RGS7: variants seen among roughly 807,000 people sequenced by gnomAD.
RGS7 encodes the protein regulator of G-protein signaling 7.
In RGS7, 27 loss-of-function variants were observed where a neutral mutation model predicts 81.1. The observed-to-expected ratio is 0.33, with a 90% CI of 0.25 to 0.46. The LOEUF (loss-of-function observed/expected upper bound fraction) is 0.46, where lower values mean the gene tolerates loss of function less well. Among genes scored for constraint, RGS7 ranks in the 20% least tolerant of loss-of-function variants. RGS7 has a pLI of 1.00. For missense variants in RGS7, 396 were observed against 607.4 expected (o/e 0.65, Z 3.66); for synonymous variants, 208 against 207.7 (o/e 1.00, Z -0.01).
At chr1:241,200,845 A>T (rs1242213535) in intron 2 of RGS7, among the ~76,000 whole-genome samples, 1 of 152,142 alleles carries the variant, frequency 6.6e-6, no homozygotes, top group Non-Finnish European at 1.5e-5. Flanking sequence ...TTCTCACTGC[A>T]CTTTCTCATT....
chr1:241,127,290 A>C (rs565284131), intron 2 of RGS7, among the ~76,000 whole-genome samples: 1 of 152,242 alleles, frequency 6.6e-6, no homozygotes, highest in Admixed American at 6.5e-5. Context: ...CAATATAAAA[A>C]GTAACCATAT....
At chr1:241,072,644 G>T (rs2062544337) in intron 3 of RGS7, among the ~76,000 whole-genome samples, 2 of 152,150 alleles carry the variant, frequency 1.3e-5, no homozygotes, top group African/African-American at 4.8e-5. Context: ...TGGGGACAGG[G>T]ATGAGACCCT....
intron 2 of RGS7, among the ~76,000 whole-genome samples, chr1:241,128,793 A>AAG (rs938790488): frequency 2.0e-5 from 3 of 150,818 alleles, no homozygotes; most frequent in Non-Finnish European, 4.4e-5. Flanking sequence ...AAAAAAAAAA[A>AAG]AAAAAACTCT....
intron 15 of RGS7, among the ~76,000 whole-genome samples, chr1:240,804,437 C>T (rs190006613): frequency 9.5e-4 from 144 of 150,802 alleles, no homozygotes; most frequent in African/African-American, 3.2e-3. Flanking sequence ...ATTTACCTTA[C>T]GATCAGATTT....
chr1:241,316,732 T>C (rs1020084882), intron 2 of RGS7, among the ~76,000 whole-genome samples: 5 of 152,192 alleles, frequency 3.3e-5, no homozygotes, highest in South Asian at 2.1e-4. Context: ...TTTTTTGTTA[T>C]ATCTTTATCT....
chr1:240,816,501 C>T, intron 10 of RGS7, 86 bp from the exon 11 acceptor site: 1 of 908,496 alleles, frequency 1.1e-6, no homozygotes, highest in Non-Finnish European at 1.8e-6. Flanking sequence ...AGCATAAATT[C>T]AGTAAGGTCT....
chr1:241,204,443 G>A (rs1262816079), intron 2 of RGS7, among the ~76,000 whole-genome samples: 2 of 152,028 alleles, frequency 1.3e-5, no homozygotes, highest in Non-Finnish European at 2.9e-5. Flanking sequence ...ATTTTAGGTG[G>A]GTATTGGACA....
At chr1:241,209,871 A>G (rs1478351095) in intron 2 of RGS7, among the ~76,000 whole-genome samples, 1 of 151,970 alleles carries the variant, frequency 6.6e-6, no homozygotes, top group African/African-American at 2.4e-5. Context: ...GAAAATTAAA[A>G]TAAAATATAT....
intron 6 of RGS7, among the ~76,000 whole-genome samples, chr1:240,892,122 A>C (rs967471516): frequency 6.6e-6 from 1 of 152,234 alleles, no homozygotes; most frequent in East Asian, 1.9e-4. Context: ...TAATTAAATC[A>C]GAGTATGTAT....
At chr1:240,924,814 CA>C (rs1282292445) in intron 6 of RGS7, among the ~76,000 whole-genome samples, 1 of 151,582 alleles carries the variant, frequency 6.6e-6, no homozygotes, top group Non-Finnish European at 1.5e-5. Flanking sequence ...AAGGGAGTGT[CA>C]AAAAACTCGG....
At chr1:241,208,496 G>A (rs2074058516) in intron 2 of RGS7, among the ~76,000 whole-genome samples, 1 of 152,092 alleles carries the variant, frequency 6.6e-6, no homozygotes, top group South Asian at 2.1e-4. Context: ...CCTCAGATGT[G>A]TTGTCTAGGT....
intron 6 of RGS7, among the ~76,000 whole-genome samples, chr1:240,929,157 A>T (rs754424962): frequency 9.2e-5 from 14 of 152,170 alleles, no homozygotes; most frequent in Non-Finnish European, 1.8e-4. Flanking sequence ...TGGTTATGAC[A>T]GTATTTATGT....
At chr1:240,778,936 C>A (rs1683455235) in intron 18 of RGS7, among the ~76,000 whole-genome samples, 1 of 150,990 alleles carries the variant, frequency 6.6e-6, no homozygotes, top group African/African-American at 2.5e-5. Flanking sequence ...ACAGACCCTG[C>A]TTTATAAATA....
At position 240,868,934 on chromosome 1, in the gene RGS7, A is replaced by C; in HGVS notation, c.451-82T>G. 1 of 1,260,612 alleles carries C rather than the reference A, an allele frequency of 7.9e-7. No individual in the cohort carries two copies. The highest frequency in any genetic ancestry group is 1.2e-6 in the Non-Finnish European group (1 of 858,198). 78.1% of individuals were successfully genotyped at this position (1,260,612 alleles called of 1,614,324 possible). A position where few individuals can be genotyped will look rare whatever the true frequency, so the allele number is the denominator to read the frequency against. ...AGCTTAGTTACCACTTGTATTTGTC[A>C]AGGAAACAAATAGAGAGTTTCTAAA... On this transcript the variant is annotated intron_variant, in intron 7 of 18. Coordinates refer to ENST00000440928, the MANE Select transcript of RGS7 (RefSeq NM_001364886.1). This position sits in a 1 kb window ranked among gnomAD's most constrained non-coding sequence, Gnocchi z 5.1.
intron 15 of RGS7, 72 bp from the exon 16 acceptor site, chr1:240,803,065 A>G: frequency 9.6e-7 from 1 of 1,038,060 alleles, no homozygotes; most frequent in Non-Finnish European, 1.5e-6. Flanking sequence ...GATGTCACAC[A>G]TGGCTAAAGA....
chr1:241,194,712 A>G (rs1460883961), intron 2 of RGS7, among the ~76,000 whole-genome samples: 5 of 152,210 alleles, frequency 3.3e-5, no homozygotes, highest in African/African-American at 9.6e-5. Flanking sequence ...TCCAAAACCC[A>G]TCTGTTTGAA....
In RGS7 at chr1:240,816,368, G is replaced by T. The variant is rs1480200259; in HGVS notation, c.732C>A (p.His244Gln). The change falls in exon 11 of 19, where the codon CAC (histidine) becomes CAA (glutamine). Residue 244 changes from histidine (H) to glutamine (Q), a missense_variant. Transcript: ENST00000440928. ...QNDIRSHSPT[H>Q]TPTPETKPPT... The stretch of plus-strand genomic sequence containing the variant: ...GAGGTTTAGTTTCTGGTGTGGGTGT[G>T]TGGGTAGGACTGTGACTTCTAATAT... 1 of 1,612,176 alleles carries T rather than the reference G, an allele frequency of 6.2e-7. No homozygotes were observed. The highest frequency in any genetic ancestry group is 1.7e-5 in the Admixed American group (1 of 60,026).
At chr1:240,826,778 T>C (rs974394410) in intron 10 of RGS7, among the ~76,000 whole-genome samples, 2 of 149,220 alleles carry the variant, frequency 1.3e-5, no homozygotes, top group Admixed American at 6.6e-5. Flanking sequence ...GCACTCTTTC[T>C]GGAATTAAAT....
At chr1:241,116,131 T>C (rs370004291) in intron 2 of RGS7, among the ~76,000 whole-genome samples, 12 of 152,264 alleles carry the variant, frequency 7.9e-5, no homozygotes, top group East Asian at 3.9e-4. Flanking sequence ...TCTTCATAAA[T>C]TACCCAGTCG....
Sources: gnomAD v4.1 joint callset for allele counts (sites outside exome capture counted in the v4.1 genomes callset) on GRCh38, gnomAD v4.1.1 for gene constraint, Gnocchi (gnomAD v3.1) non-coding constraint, MANE v1.5 for transcripts, NCBI Gene and HGNC (gene_info 2026-07-23, HGNC 2026-07-21) for gene names.